The following PTPRM variants were observed in gnomAD, a reference collection of about 807,000 sequenced individuals.
The protein encoded by PTPRM is protein tyrosine phosphatase receptor type M.
Under a neutral mutation model 186.7 loss-of-function variants are expected in PTPRM, and 47 were observed. The ratio of observed to expected loss-of-function variants is 0.25; its 90% confidence interval spans 0.20 to 0.32. The LOEUF (loss-of-function observed/expected upper bound fraction) is 0.32, where lower values mean the gene tolerates loss of function less well. PTPRM is among the 10% of genes least tolerant of loss of function. PTPRM has a pLI of 1.00. For synonymous variants in PTPRM, 668 were observed against 674.9 expected (o/e 0.99, Z 0.16); for missense variants, 1,494 against 1,865.0 (o/e 0.80, Z 3.66).
At chr18:7,664,333 C>T (rs1156732741) in intron 1 of PTPRM, among the ~76,000 whole-genome samples, 1 of 152,184 alleles carries the variant, frequency 6.6e-6, no homozygotes, top group Non-Finnish European at 1.5e-5. Flanking sequence ...AGGTCCACAG[C>T]TCATGTGCCA....
At chr18:8,304,514 A>G (rs1396085588) in intron 20 of PTPRM, among the ~76,000 whole-genome samples, 1 of 152,182 alleles carries the variant, frequency 6.6e-6, no homozygotes, top group East Asian at 1.9e-4. Flanking sequence ...ATATGAGACA[A>G]ATAGCAAGTC....
At chr18:7,707,675 C>A (rs1242204756) in intron 1 of PTPRM, among the ~76,000 whole-genome samples, 2 of 151,980 alleles carry the variant, frequency 1.3e-5, no homozygotes, top group African/African-American at 4.8e-5. Flanking sequence ...TATCTACTGT[C>A]TCATACTTTA....
chr18:7,807,387 A>G (rs1211077497), intron 2 of PTPRM, among the ~76,000 whole-genome samples: 1 of 152,196 alleles, frequency 6.6e-6, no homozygotes, highest in African/African-American at 2.4e-5. Flanking sequence ...GTTCTTTGAC[A>G]CTTTAGTGGT....
intron 2 of PTPRM, among the ~76,000 whole-genome samples, chr18:7,859,460 C>T (rs1314601400): frequency 6.6e-6 from 1 of 152,248 alleles, no homozygotes; most frequent in Non-Finnish European, 1.5e-5. Context: ...CGTCTCCCAA[C>T]TCTGATGTCA....
chr18:8,062,713 T>TGG (rs2088637141), intron 7 of PTPRM, among the ~76,000 whole-genome samples: 4 of 60,674 alleles, frequency 6.6e-5, no homozygotes, highest in African/African-American at 3.1e-4. Flanking sequence ...TGGAGTACCC[T>TGG]GCCGTGTGAG....
chr18:7,947,259 G>C (rs1321284722), intron 5 of PTPRM, among the ~76,000 whole-genome samples: 2 of 152,046 alleles, frequency 1.3e-5, no homozygotes, highest in Non-Finnish European at 2.9e-5. Context: ...TATGCCTGTG[G>C]GTTCTCCCAG....
intron 2 of PTPRM, among the ~76,000 whole-genome samples, chr18:7,842,978 A>AGAGAGAGG (rs1413070956): frequency 6.8e-6 from 1 of 147,392 alleles, no homozygotes; most frequent in Non-Finnish European, 1.5e-5. Context: ...AGAGAGAGAG[A>AGAGAGAGG]GATTATATGA....
At chr18:8,159,301 G>T (rs1223409663) in intron 14 of PTPRM, among the ~76,000 whole-genome samples, 1 of 152,054 alleles carries the variant, frequency 6.6e-6, no homozygotes, top group African/African-American at 2.4e-5. Flanking sequence ...AGTAAATAAA[G>T]CTTCACTGGA....
intron 26 of PTPRM, chr18:8,377,736 T>G (rs2095705731): frequency 6.6e-6 from 1 of 152,250 alleles, no homozygotes; most frequent in South Asian, 2.1e-4. Context: ...AGGCCCCATA[T>G]TTACACTGTG....
At chr18:8,404,553 A>G (rs1333703877) in intron 32 of PTPRM, 4 of 152,244 alleles carry the variant, frequency 2.6e-5, no homozygotes, top group Non-Finnish European at 5.9e-5. Context: ...CTACTAGGGT[A>G]TTTACAAAAC....
chr18:7,810,976 C>T (rs79635695), intron 2 of PTPRM, among the ~76,000 whole-genome samples: 1,967 of 152,152 alleles, frequency 0.013, 15 homozygotes, highest in Middle Eastern at 0.024. Context: ...TTTTTCTGAA[C>T]GATTGAATAC....
At chr18:7,937,047 A>G (rs931131269) in intron 5 of PTPRM, among the ~76,000 whole-genome samples, 2 of 152,172 alleles carry the variant, frequency 1.3e-5, no homozygotes, top group Non-Finnish European at 2.9e-5. Context: ...CCTTTGCGCT[A>G]TTCTGTCATT....
chr18:8,343,514 G>A lies in PTPRM; in HGVS notation c.3048G>A (p.Val1016=). The change falls in exon 23 of 33, where the codon GTG becomes GTA. Residue 1016 remains valine (V), a synonymous_variant. Transcript: ENST00000580170. ...TCATGGTGACCAATCTTGTGGAAGT[G>A]GGAAGGGTGAGTGGACCGTCTGCTG... The part of the protein sequence containing the change: ...SIIMVTNLVE[V]GRVKCCKYWP... 6.2e-7 allele frequency: 1 copy of A among 1,613,780 alleles called. No individual in the cohort carries two copies. The highest frequency in any genetic ancestry group is 8.5e-7 in the Non-Finnish European group (1 of 1,179,840).
chr18:7,574,566 C>T (rs1380691821), intron 1 of PTPRM, among the ~76,000 whole-genome samples: 1 of 152,152 alleles, frequency 6.6e-6, no homozygotes, highest in Non-Finnish European at 1.5e-5. Context: ...ATAGTTACCA[C>T]ACTTTGAGAA....
intron 1 of PTPRM, among the ~76,000 whole-genome samples, chr18:7,626,012 C>G (rs568827384): frequency 1.0e-3 from 159 of 152,294 alleles, no homozygotes; most frequent in African/African-American, 3.6e-3. Context: ...CTTCATTTTC[C>G]TGTAATATAG....
chr18:7,876,493 C>T (rs2048252294), intron 2 of PTPRM, among the ~76,000 whole-genome samples: 1 of 152,130 alleles, frequency 6.6e-6, no homozygotes, highest in Non-Finnish European at 1.5e-5. Context: ...GCAGTTGGGG[C>T]TGGGCTCAGC....
At chr18:7,921,574 G>T (rs181654586) in intron 4 of PTPRM, among the ~76,000 whole-genome samples, 38 of 151,942 alleles carry the variant, frequency 2.5e-4, no homozygotes, top group African/African-American at 8.2e-4. Flanking sequence ...TAGAGACAGG[G>T]TTTCACTGTG....
At chr18:8,189,774 A>G (rs918829160) in intron 14 of PTPRM, among the ~76,000 whole-genome samples, 1 of 152,174 alleles carries the variant, frequency 6.6e-6, no homozygotes, top group Non-Finnish European at 1.5e-5. Flanking sequence ...GTTACCCATC[A>G]CTGGAGACTT....
Position 7,992,316 on chromosome 18 carries a change from AC to A in PTPRM, c.1132+36903del, listed in dbSNP as rs1294386347. On this transcript the variant is annotated intron_variant, in intron 7 of 32. Transcript: ENST00000580170. The stretch of plus-strand genomic sequence containing the variant: ...CATGGAGGCAATGGAAAATCTTACT[AC>A]AATCAAGTAATTGCTTCATTAGAGA... Among the ~76,000 whole-genome samples, 8 of 152,174 alleles carry A rather than the reference AC, an allele frequency of 5.3e-5. 1 individual carries two copies. The highest frequency in any genetic ancestry group is 1.4e-4 in the African/African-American group (6 of 41,452).
Sources: gnomAD v4.1 joint callset for allele counts (sites outside exome capture counted in the v4.1 genomes callset) on GRCh38, gnomAD v4.1.1 for gene constraint, MANE v1.5 for transcripts, NCBI Gene and HGNC (gene_info 2026-07-23, HGNC 2026-07-21) for gene names.